The following SHANK2 variants were observed in gnomAD, a reference collection of about 807,000 sequenced individuals.
SHANK2 encodes the protein SH3 and multiple ankyrin repeat domains 2, also known as SH3 and multiple ankyrin repeat domains protein 2.
A neutral mutation model predicts 133.7 loss-of-function variants in SHANK2; 43 were observed. The ratio of observed to expected loss-of-function variants is 0.32; its 90% CI spans 0.25 to 0.41. SHANK2 has a LOEUF of 0.41. Among genes scored for constraint, SHANK2 ranks in the 10% least tolerant of loss-of-function variants. The pLI, the probability that SHANK2 is intolerant of heterozygous loss-of-function variation, is 1.00. For synonymous variants in SHANK2, 1,017 were observed against 952.8 expected, an observed-to-expected ratio of 1.07 and a Z score of -1.24; for missense variants, 1,994 against 2,235.8, an observed-to-expected ratio of 0.89 and a Z score of 2.18.
chr11:71,111,681 A>T (rs910631633), intron 5 of SHANK2, among the ~76,000 whole-genome samples: 3 of 152,178 alleles, frequency 2.0e-5, no homozygotes, highest in African/African-American at 7.2e-5. Context: ...CACGTGCTAG[A>T]TTTCCACCTG....
At chr11:70,792,104 TAACC>T (rs56696086) in intron 14 of SHANK2, among the ~76,000 whole-genome samples, 2,040 of 151,544 alleles carry the variant, frequency 0.013, 39 homozygotes, top group African/African-American at 0.046. Context: ...GCCAGCCAGC[TAACC>T]AACCAACCAA....
intron 10 of SHANK2, among the ~76,000 whole-genome samples, chr11:70,934,363 C>T (rs370380852): frequency 3.3e-5 from 5 of 152,170 alleles, no homozygotes; most frequent in African/African-American, 9.7e-5. Context: ...CCCGTGCAGC[C>T]GGCCGGCCTC....
At chr11:70,716,545 G>A (rs1945926230) in intron 14 of SHANK2, among the ~76,000 whole-genome samples, 1 of 152,122 alleles carries the variant, frequency 6.6e-6, no homozygotes, top group Admixed American at 6.5e-5. Context: ...TTGGTCAAGG[G>A]GACCCATCTC....
At chr11:70,862,833 C>A in intron 11 of SHANK2, 1 of 274,188 alleles carries the variant, frequency 3.6e-6, no homozygotes. Context: ...GTCAACTGGG[C>A]AGCAGGACAC....
At chr11:71,068,795 C>T (rs1485022641) in intron 9 of SHANK2, among the ~76,000 whole-genome samples, 3 of 148,708 alleles carry the variant, frequency 2.0e-5, no homozygotes, top group Admixed American at 2.0e-4. Flanking sequence ...TGCTGCACTG[C>T]CATCACCATC....
At position 70,486,272 on chromosome 11, in the gene SHANK2, G is replaced by C. The variant is rs1213755457; in HGVS notation, c.4021C>G (p.Pro1341Ala). ...GGCACCTCGGACGGCGAGCTGTCTGGCTTCATCTCCACCTCTGCCTTCTCG... is the reference window on the plus strand; with the variant it reads ...GGCACCTCGGACGGCGAGCTGTCTGCCTTCATCTCCACCTCTGCCTTCTCG... ...EDEKAEVEMK[P>A]DSSPSEVPEG... Residue 1341 changes from proline to alanine, a missense_variant, in exon 25 of 26, where the codon CCA (proline) becomes GCA (alanine). Physicochemically the swap from Pro to Ala is conservative, Grantham distance 27. Coordinates refer to ENST00000601538, the MANE Select transcript of SHANK2 (RefSeq NM_012309.5). This position sits in a 1 kb window ranked among gnomAD's most constrained non-coding sequence, Gnocchi z 8.0. The C allele has an allele frequency of 1.2e-6, 2 of 1,613,828 alleles. No individual in the cohort carries two copies. Among genetic ancestry groups the C allele is most frequent in the Non-Finnish European group, 1.7e-6 (2 of 1,180,042 alleles).
intron 24 of SHANK2, among the ~76,000 whole-genome samples, chr11:70,488,335 C>T (rs1446434488): frequency 3.9e-5 from 6 of 152,186 alleles, no homozygotes; most frequent in East Asian, 1.9e-4. Flanking sequence ...TTGAGCCCCA[C>T]GGCTGCCCAG....
chr11:70,812,867 G>C (rs1948308010), intron 12 of SHANK2, among the ~76,000 whole-genome samples: 1 of 152,082 alleles, frequency 6.6e-6, no homozygotes. Flanking sequence ...TTTGGTATAA[G>C]GGCCAAATCA....
intron 1 of SHANK2, among the ~76,000 whole-genome samples, chr11:71,227,784 A>T (rs573289856): frequency 1.3e-5 from 2 of 152,188 alleles, no homozygotes; most frequent in African/African-American, 4.8e-5. Flanking sequence ...TGTTCATGAA[A>T]TTTATAGCAT....
At position 71,135,388 on chromosome 11, in the gene SHANK2, C is replaced by T. The variant is rs565366446; in HGVS notation, c.207+11732G>A. ...GAAATCCCCCTGTAAACAAAGAGAC[C>T]GAGGAGAAGCCATGGAGCCATGGAA... On this transcript the variant is annotated intron_variant, in intron 3 of 25. Transcript: ENST00000601538. Among the ~76,000 whole-genome samples, 58 of 152,102 alleles carry T rather than the reference C, an allele frequency of 3.8e-4. 2 individuals carry two copies. The South Asian group carries it at 0.01, about 27-fold the overall frequency.
chr11:70,633,435 G>C (rs2061027760), intron 17 of SHANK2: 1 of 152,048 alleles, frequency 6.6e-6, no homozygotes, highest in Admixed American at 6.5e-5. Context: ...CAACTCACTG[G>C]ACATCAGTAG....
At chr11:70,907,466 C>G (rs782591003) in intron 10 of SHANK2, among the ~76,000 whole-genome samples, 49 of 152,298 alleles carry the variant, frequency 3.2e-4, no homozygotes, top group Non-Finnish European at 3.8e-4. Context: ...CAACCTCCCC[C>G]CTTCTCAGGC....
At chr11:70,509,397 A>G (rs868982258) in intron 17 of SHANK2, among the ~76,000 whole-genome samples, 2 of 152,066 alleles carry the variant, frequency 1.3e-5, no homozygotes, top group Non-Finnish European at 2.9e-5. Flanking sequence ...GACACTGGCT[A>G]TTGGTCTCAG....
At chr11:71,215,362 C>T (rs1215568058) in intron 2 of SHANK2, among the ~76,000 whole-genome samples, 1 of 152,204 alleles carries the variant, frequency 6.6e-6, no homozygotes, top group African/African-American at 2.4e-5. Flanking sequence ...ACACGCCACT[C>T]TGTCATCTCA....
chr11:70,876,891 C>T (rs537608951), intron 11 of SHANK2, among the ~76,000 whole-genome samples: 75 of 152,306 alleles, frequency 4.9e-4, no homozygotes, highest in Non-Finnish European at 7.5e-4. Flanking sequence ...ACTCTGGTCC[C>T]GTGACTGCCT....
chr11:70,573,504 C>T (rs1037728792), intron 17 of SHANK2, among the ~76,000 whole-genome samples: 36 of 129,342 alleles, frequency 2.8e-4, no homozygotes, highest in Non-Finnish European at 3.9e-4. Flanking sequence ...ATGATATGAC[C>T]GATACCACAG....
chr11:70,506,076 G>GGCAAAGGA (rs2059133149), intron 17 of SHANK2, among the ~76,000 whole-genome samples: 1 of 152,206 alleles, frequency 6.6e-6, no homozygotes, highest in Non-Finnish European at 1.5e-5. Flanking sequence ...GGGCAGGGGA[G>GGCAAAGGA]GCAAAGGACC....
At chr11:70,573,555 G>GC (rs1321555196) in intron 17 of SHANK2, among the ~76,000 whole-genome samples, 1 of 124,662 alleles carries the variant, frequency 8.0e-6, no homozygotes, top group African/African-American at 2.8e-5. Context: ...GGGGCGGGGG[G>GC]GGGGTGGGGC....
chr11:70,631,611 G>A (rs532253362), intron 17 of SHANK2, among the ~76,000 whole-genome samples: 4 of 152,224 alleles, frequency 2.6e-5, no homozygotes, highest in African/African-American at 9.6e-5. Flanking sequence ...CCCAGAGGGC[G>A]CTGGGAATAG....
Sources: allele counts gnomAD v4.1 joint callset (sites outside exome capture counted in the v4.1 genomes callset), GRCh38; gene constraint gnomAD v4.1.1; non-coding constraint Gnocchi (gnomAD v3.1); transcripts MANE v1.5; gene names NCBI Gene and HGNC (gene_info 2026-07-23, HGNC 2026-07-21).